The following FMNL2 variants were observed in gnomAD, a reference collection of about 807,000 sequenced individuals.
FMNL2 encodes formin-like protein 2.
Under a neutral mutation model 130.2 loss-of-function variants are expected in FMNL2, and 51 were observed. The observed-to-expected ratio is 0.39, with a 90% CI of 0.31 to 0.49. The LOEUF (loss-of-function observed/expected upper bound fraction) is 0.49, where lower values mean the gene tolerates loss of function less well. Among genes scored for constraint, FMNL2 ranks in the 20% least tolerant of loss-of-function variants. The probability of loss-of-function intolerance (pLI) is 0.85; values close to 1 mark genes in which losing one functional copy is unlikely to be tolerated. For missense variants in FMNL2, 977 were observed against 1,316.2 expected (o/e 0.74, Z 3.99); for synonymous variants, 465 against 467.1 (o/e 1.00, Z 0.06).
chr2:152,453,769 G>A lies in FMNL2; in HGVS notation c.118-68174G>A, dbSNP rs536044617. Among the ~76,000 whole-genome samples the A allele has an allele frequency of 4.6e-5, 7 of 152,318 alleles. No individual in the cohort carries two copies. In the East Asian group the frequency reaches 1.3e-3, roughly 29 times the overall value. On this transcript the variant is annotated intron_variant, in intron 1 of 25. Transcript: ENST00000288670. ...CGAGGGCACAGCCATTATAAGCAGA[G>A]AGTGAAAAGGGAGATTGTGTATAAC...
At chr2:152,637,855 A>G (rs1580155652) in intron 23 of FMNL2, among the ~76,000 whole-genome samples, 181 bp downstream of exon 23, 1 of 152,054 alleles carries the variant, frequency 6.6e-6, no homozygotes, top group Non-Finnish European at 1.5e-5. Context: ...CCCTTTCTCC[A>G]CCTAGCCAGT....
chr2:152,540,432 T>G (rs1694246542), intron 2 of FMNL2, among the ~76,000 whole-genome samples: 1 of 152,104 alleles, frequency 6.6e-6, no homozygotes, highest in Non-Finnish European at 1.5e-5. Flanking sequence ...TTTGAAGGAA[T>G]AATTAGAAAA....
At chr2:152,580,889 G>T in intron 8 of FMNL2, 67 bp from the exon 9 acceptor site, 1 of 1,398,376 alleles carries the variant, frequency 7.2e-7, no homozygotes. Flanking sequence ...TATCTTGGAA[G>T]GAAGAAACAG....
At chr2:152,571,562 A>C (rs1295605587) in intron 6 of FMNL2, among the ~76,000 whole-genome samples, 1 of 152,242 alleles carries the variant, frequency 6.6e-6, no homozygotes, top group Admixed American at 6.5e-5. Context: ...AACAGAACAC[A>C]TGCCAAGGGT....
chr2:152,421,046 T>C (rs571074891), intron 1 of FMNL2, among the ~76,000 whole-genome samples: 67 of 152,326 alleles, frequency 4.4e-4, no homozygotes, highest in African/African-American at 1.5e-3. Context: ...CACATAATAC[T>C]GTGTAAGCAT....
chr2:152,643,341 T>C, intron 25 of FMNL2: 1 of 1,507,330 alleles, frequency 6.6e-7, no homozygotes, highest in Non-Finnish European at 8.9e-7. Context: ...AACAATGCAC[T>C]AACCATGTAC....
intron 1 of FMNL2, among the ~76,000 whole-genome samples, chr2:152,412,446 TTATATA>T (rs56681937): frequency 7.7e-4 from 79 of 103,104 alleles, no homozygotes; most frequent in African/African-American, 1.8e-3. Flanking sequence ...TCTGTATATT[TTATATA>T]TATATATATA....
chr2:152,466,826 C>T (rs1689572250), intron 1 of FMNL2, among the ~76,000 whole-genome samples: 1 of 152,194 alleles, frequency 6.6e-6, no homozygotes, highest in South Asian at 2.1e-4. Context: ...GCAGCCTCTG[C>T]AGTCCCCGTG....
intron 1 of FMNL2, among the ~76,000 whole-genome samples, chr2:152,455,918 T>C (rs1489584852): frequency 6.6e-6 from 1 of 152,162 alleles, no homozygotes; most frequent in Non-Finnish European, 1.5e-5. Flanking sequence ...TCTCACTACG[T>C]TGCCCAGTGT....
At chr2:152,525,911 A>G (rs1693362739) in intron 2 of FMNL2, among the ~76,000 whole-genome samples, 2 of 152,206 alleles carry the variant, frequency 1.3e-5, no homozygotes, top group South Asian at 4.1e-4. Context: ...GTATTTAATC[A>G]TTAAGAATAT....
chr2:152,535,930 T>C (rs562276669), intron 2 of FMNL2, among the ~76,000 whole-genome samples: 111 of 152,394 alleles, frequency 7.3e-4, no homozygotes, highest in African/African-American at 2.6e-3. Flanking sequence ...GTCCGCCAGC[T>C]ACTCTGAAAT....
intron 1 of FMNL2, among the ~76,000 whole-genome samples, chr2:152,382,099 T>G (rs1442435881): frequency 6.6e-6 from 1 of 152,152 alleles, no homozygotes; most frequent in Non-Finnish European, 1.5e-5. Flanking sequence ...ATGCCTGGCC[T>G]AGAATCTTTA....
intron 1 of FMNL2, among the ~76,000 whole-genome samples, chr2:152,366,424 A>G (rs1683550476): frequency 6.6e-6 from 1 of 150,592 alleles, no homozygotes. Context: ...TGAACCCTAA[A>G]ACTTAAAGTA....
At chr2:152,397,978 A>G (rs886760948) in intron 1 of FMNL2, among the ~76,000 whole-genome samples, 1 of 151,942 alleles carries the variant, frequency 6.6e-6, no homozygotes, top group Non-Finnish European at 1.5e-5. Flanking sequence ...TACAAAAACT[A>G]TCTGGGTGTG....
chr2:152,642,442 G>A (rs1683176391), intron 25 of FMNL2, among the ~76,000 whole-genome samples: 2 of 151,622 alleles, frequency 1.3e-5, no homozygotes, highest in South Asian at 4.2e-4. Flanking sequence ...GATAGTAAGT[G>A]GCTGATGAAA....
chr2:152,437,687 T>G (rs535323259), intron 1 of FMNL2, among the ~76,000 whole-genome samples: 1 of 152,308 alleles, frequency 6.6e-6, no homozygotes, highest in Admixed American at 6.5e-5. Flanking sequence ...CCCTGGTGAC[T>G]CTCATGGCTA....
At position 152,378,567 on chromosome 2, in the gene FMNL2, A is replaced by G. The variant is rs968279528; in HGVS notation, c.117+42847A>G. ...TTGTTTTCAGAGCATTGAGTTAGCA[A>G]TCAGAAGAACTAATGTTTATTCTCT... On this transcript the variant is annotated intron_variant, in intron 1 of 25. Transcript: ENST00000288670. Among the ~76,000 whole-genome samples, 4 of 152,182 alleles carry G rather than the reference A, an allele frequency of 2.6e-5. No individual in the cohort carries two copies. In the South Asian group the frequency reaches 6.2e-4, roughly 24 times the overall value.
intron 15 of FMNL2, chr2:152,622,404 C>T (rs1470320747): frequency 1.4e-5 from 6 of 437,014 alleles, no homozygotes; most frequent in Admixed American, 2.5e-5. Flanking sequence ...GAATTTTTGG[C>T]TCTGTGCCGC....
chr2:152,484,874 G>C (rs1690731410), intron 1 of FMNL2, among the ~76,000 whole-genome samples: 1 of 152,200 alleles, frequency 6.6e-6, no homozygotes, highest in African/African-American at 2.4e-5. Flanking sequence ...AGGGATTGGG[G>C]AGTGTCTGGT....
Sources: gnomAD v4.1 joint callset for allele counts (sites outside exome capture counted in the v4.1 genomes callset) on GRCh38, gnomAD v4.1.1 for gene constraint, MANE v1.5 for transcripts, NCBI Gene and HGNC (gene_info 2026-07-23, HGNC 2026-07-21) for gene names.